The following PTPRN2 variants were observed in gnomAD, a reference collection of about 807,000 sequenced individuals.
PTPRN2 encodes the protein receptor-type tyrosine-protein phosphatase N2.
Under a neutral mutation model 118.8 loss-of-function variants are expected in PTPRN2, and 74 were observed. The ratio of observed to expected loss-of-function variants is 0.62; its 90% CI spans 0.52 to 0.76. The LOEUF (loss-of-function observed/expected upper bound fraction) is 0.76. PTPRN2 is among the 30% of genes least tolerant of loss of function. The probability of loss-of-function intolerance (pLI) is 0.00; values close to 1 mark genes in which losing one functional copy is unlikely to be tolerated. For missense variants in PTPRN2, 1,481 were observed against 1,394.4 expected, an observed-to-expected ratio of 1.06 and a Z score of -0.99; for synonymous variants, 641 against 608.0, an observed-to-expected ratio of 1.05 and a Z score of -0.80.
At chr7:157,612,752 G>A (rs1383137671) in intron 15 of PTPRN2, among the ~76,000 whole-genome samples, 2 of 152,220 alleles carry the variant, frequency 1.3e-5, no homozygotes, top group South Asian at 2.1e-4. Context: ...TAACTGATGG[G>A]CAGGTGTGGA....
chr7:157,587,822 G>A lies in PTPRN2; in HGVS notation c.2496+7416C>T, dbSNP rs532877225. ...CCTCTTGGCTGAGCCTCCCATACAGGGAGCCAGTTCCCACGGTGGCTGTCC... is the reference window on the plus strand; with the variant it reads ...CCTCTTGGCTGAGCCTCCCATACAGAGAGCCAGTTCCCACGGTGGCTGTCC... On this transcript the variant is annotated intron_variant, in intron 17 of 22. Transcript: ENST00000389418. The surrounding 1 kb of genome is among the most constrained non-coding windows in gnomAD (Gnocchi z 5.3). Among the ~76,000 whole-genome samples the A allele has an allele frequency of 9.3e-4, 141 of 152,328 alleles. No individual in the cohort carries two copies. Among genetic ancestry groups the A allele is most frequent in the Middle Eastern group, 3.4e-3 (1 of 292 alleles).
intron 11 of PTPRN2, among the ~76,000 whole-genome samples, chr7:158,005,601 C>T (rs1805580015): frequency 1.3e-5 from 2 of 152,144 alleles, no homozygotes; most frequent in East Asian, 1.9e-4. Flanking sequence ...TTTTGCTGTC[C>T]ACGTTGTCTT....
chr7:158,057,060 G>C (rs1809846860), intron 11 of PTPRN2, among the ~76,000 whole-genome samples: 1 of 152,218 alleles, frequency 6.6e-6, no homozygotes, highest in African/African-American at 2.4e-5. Context: ...CACGCCCTCT[G>C]TGGTTATTGG....
rs1224234680 is a variant in PTPRN2 at position 157,671,670 on chromosome 7, T to C, written c.2001+11055A>G. On this transcript the variant is annotated intron_variant, in intron 13 of 22. Coordinates refer to ENST00000389418, the MANE Select transcript of PTPRN2 (RefSeq NM_002847.5). The surrounding 1 kb of genome is among the most constrained non-coding windows in gnomAD (Gnocchi z 4.1). The stretch of plus-strand genomic sequence containing the variant: ...AAAGGAAGGGCAGGGGCATGCGGGC[T>C]GGGGGCGGAGCGGCTACTGGAGCAG... Among the ~76,000 whole-genome samples the C allele has an allele frequency of 6.6e-6, 1 of 152,068 alleles. No individual in the cohort carries two copies. Among genetic ancestry groups the C allele is most frequent in the Admixed American group, 6.5e-5 (1 of 15,272 alleles).
Position 157,794,043 on chromosome 7 carries a change from G to A in PTPRN2, c.1788+104630C>T, listed in dbSNP as rs989417769. 6.6e-6 allele frequency among the ~76,000 whole-genome samples: 1 copy of A among 152,148 alleles called. No individual in the cohort carries two copies. Among genetic ancestry groups the A allele is most frequent in the African/African-American group, 2.4e-5 (1 of 41,426 alleles). Reference sequence around the variant, plus strand: ...TTCGGGCCTCGGCAGCACACCTCGAGGGGCCCAGGACAAGCTCGGGGCCCA... The same window carrying A: ...TTCGGGCCTCGGCAGCACACCTCGAAGGGCCCAGGACAAGCTCGGGGCCCA... On this transcript the variant is annotated intron_variant, in intron 12 of 22. Coordinates refer to ENST00000389418, the MANE Select transcript of PTPRN2 (RefSeq NM_002847.5). The surrounding 1 kb of genome is among the most constrained non-coding windows in gnomAD (Gnocchi z 5.2).
At chr7:157,696,507 C>A (rs1442215363) in intron 12 of PTPRN2, among the ~76,000 whole-genome samples, 30 of 132,356 alleles carry the variant, frequency 2.3e-4, no homozygotes, top group Middle Eastern at 6.3e-3. Flanking sequence ...CACCATCTAC[C>A]CATGCATACT....
chr7:157,829,091 GGCGCGGGATGCTCGTGAGCCGTGA>G (rs1807379899), intron 12 of PTPRN2, among the ~76,000 whole-genome samples: 1 of 152,284 alleles, frequency 6.6e-6, no homozygotes, highest in Non-Finnish European at 1.5e-5. Flanking sequence ...GGCGCAGCCG[GGCGCGGGATGCTCGTGAGCCGTGA>G]GCTTTGATTC....
intron 1 of PTPRN2, among the ~76,000 whole-genome samples, chr7:158,579,622 C>T (rs537278898): frequency 2.8e-4 from 42 of 152,210 alleles, no homozygotes; most frequent in Non-Finnish European, 3.4e-4. Context: ...TCTGTCAACA[C>T]GCTGCATGGA....
chr7:158,159,794 A>G lies in PTPRN2; in HGVS notation c.910+7137T>C, dbSNP rs7788392. ...AAGTACCGTATCTATATGAAAAAAAACTACAGCACTGATGAAAGAAAGCAA... is the reference window on the plus strand; with the variant it reads ...AAGTACCGTATCTATATGAAAAAAAGCTACAGCACTGATGAAAGAAAGCAA... On this transcript the variant is annotated intron_variant, in intron 6 of 22. Transcript: ENST00000389418. Among the ~76,000 whole-genome samples the G allele has an allele frequency of 4.2e-3, 637 of 152,344 alleles. 3 individuals carry two copies. Among genetic ancestry groups the G allele is most frequent in the African/African-American group, 0.015 (616 of 41,576 alleles).
intron 12 of PTPRN2, among the ~76,000 whole-genome samples, chr7:157,791,589 C>T (rs1804506868): frequency 6.6e-6 from 1 of 150,958 alleles, no homozygotes; most frequent in Admixed American, 6.6e-5. Flanking sequence ...CTCCCTGCAC[C>T]CACCTGCCCT....
chr7:158,358,698 G>A (rs934830406), intron 2 of PTPRN2, among the ~76,000 whole-genome samples: 13 of 152,206 alleles, frequency 8.5e-5, no homozygotes, highest in East Asian at 5.8e-4. Flanking sequence ...TTTAGCGTTC[G>A]GCTGCAGCCG....
intron 2 of PTPRN2, among the ~76,000 whole-genome samples, chr7:158,474,710 C>T (rs1441483541): frequency 4.6e-5 from 7 of 152,002 alleles, no homozygotes; most frequent in South Asian, 2.1e-4. Context: ...AGCTAAGAGG[C>T]GGGTGCCCAT....
intron 2 of PTPRN2, among the ~76,000 whole-genome samples, chr7:158,408,670 T>C (rs1479966154): frequency 6.6e-6 from 1 of 152,182 alleles, no homozygotes; most frequent in Non-Finnish European, 1.5e-5. Context: ...AAATAAGGTG[T>C]TTCCTCCGTG....
Position 158,501,418 on chromosome 7 carries a change from G to A in PTPRN2, c.113-11633C>T, listed in dbSNP as rs369104567. 6.7e-4 allele frequency among the ~76,000 whole-genome samples: 102 copies of A among 152,334 alleles called. 1 individual carries two copies. The South Asian group carries it at 0.021, about 31-fold the overall frequency. ...GTGCTCGCATTCCTGCACCCAGGAC[G>A]TGATCAATGGGCCAATCCTGAACGG... On this transcript the variant is annotated intron_variant, in intron 1 of 22. Transcript: ENST00000389418.
chr7:157,737,881 C>T lies in PTPRN2; in HGVS notation c.1789-54944G>A, dbSNP rs113172413. Among the ~76,000 whole-genome samples, 377 of 152,276 alleles carry T rather than the reference C, an allele frequency of 2.5e-3. 4 individuals carry two copies. Among genetic ancestry groups the T allele is most frequent in the African/African-American group, 8.5e-3 (352 of 41,566 alleles). ...ATGCGGGGAGGACCTGGTGTCTGGGCGGGGGAGGAGGCTCCGAGGGGCTCT... is the reference window on the plus strand; with the variant it reads ...ATGCGGGGAGGACCTGGTGTCTGGGTGGGGGAGGAGGCTCCGAGGGGCTCT... On this transcript the variant is annotated intron_variant, in intron 12 of 22. Coordinates refer to ENST00000389418, the MANE Select transcript of PTPRN2 (RefSeq NM_002847.5).
At chr7:158,152,122 C>T (rs1481510089) in intron 6 of PTPRN2, among the ~76,000 whole-genome samples, 15 of 138,732 alleles carry the variant, frequency 1.1e-4, no homozygotes, top group African/African-American at 3.0e-4. Flanking sequence ...TGCAGTGAGC[C>T]GAGATCACGC....
At chr7:157,722,427 C>A (rs987090726) in intron 12 of PTPRN2, among the ~76,000 whole-genome samples, 2 of 152,162 alleles carry the variant, frequency 1.3e-5, no homozygotes, top group Admixed American at 1.3e-4. Context: ...GCTCTCGAGG[C>A]AGAACCTGGG....
At chr7:157,943,913 TGTTTTGA>T (rs1415337335) in intron 11 of PTPRN2, among the ~76,000 whole-genome samples, 2 of 152,248 alleles carry the variant, frequency 1.3e-5, no homozygotes, top group East Asian at 3.8e-4. Flanking sequence ...TTTTTGTATC[TGTTTTGA>T]CTCCCTATTA....
intron 1 of PTPRN2, among the ~76,000 whole-genome samples, chr7:158,532,435 CAG>C (rs1179578103): frequency 2.0e-5 from 3 of 152,188 alleles, no homozygotes; most frequent in African/African-American, 7.2e-5. Flanking sequence ...ACGTGCCCCA[CAG>C]AGTCATCACG....
Sources: gnomAD v4.1 joint callset for allele counts (sites outside exome capture counted in the v4.1 genomes callset) on GRCh38, gnomAD v4.1.1 for gene constraint, Gnocchi (gnomAD v3.1) non-coding constraint, MANE v1.5 for transcripts, NCBI Gene and HGNC (gene_info 2026-07-23, HGNC 2026-07-21) for gene names.